The following MUC7 variants were observed in gnomAD, a reference collection of about 807,000 sequenced individuals.
The protein encoded by MUC7 is mucin-7.
A neutral mutation model predicts 2.5 loss-of-function variants in MUC7; 2 were observed. The observed-to-expected ratio is 0.81, with a 90% CI of 0.33 to 2.55. The LOEUF is 2.55. Ranked by LOEUF, MUC7 falls within the 30% of genes most tolerant of loss-of-function variation. The probability of loss-of-function intolerance (pLI) is 0.11; values close to 1 mark genes in which losing one functional copy is unlikely to be tolerated. For missense variants in MUC7, 408 were observed against 455.6 expected, an observed-to-expected ratio of 0.90 and a Z score of 0.95; for synonymous variants, 133 against 173.4, an observed-to-expected ratio of 0.77 and a Z score of 1.83.
At chr4:70,451,701 C>T (rs1232514114) in intron 1 of MUC7, among the ~76,000 whole-genome samples, 6 of 152,084 alleles carry the variant, frequency 3.9e-5, no homozygotes, top group South Asian at 2.1e-4. Context: ...TTTTTGAGAA[C>T]GATCCATGTG....
chr4:70,471,142 C>T (rs898086800), upstream of MUC7, among the ~76,000 whole-genome samples: 4 of 152,070 alleles, frequency 2.6e-5, no homozygotes, highest in East Asian at 1.9e-4. Flanking sequence ...TCCAGATTAA[C>T]GATTTTACAT....
intron 1 of MUC7, among the ~76,000 whole-genome samples, chr4:70,431,144 G>T (rs1002339439): frequency 6.6e-6 from 1 of 152,076 alleles, no homozygotes; most frequent in African/African-American, 2.4e-5. Flanking sequence ...AAAAATCTTT[G>T]ATCTCCAGGG....
intron 2 of MUC7, among the ~76,000 whole-genome samples, chr4:70,476,510 T>C (rs546347055): frequency 6.6e-6 from 1 of 152,278 alleles, no homozygotes; most frequent in East Asian, 1.9e-4. Context: ...TCCAAAGAAC[T>C]TGAATATGAG....
At chr4:70,469,765 C>A (rs540033179), upstream of MUC7, among the ~76,000 whole-genome samples, 1 of 152,278 alleles carries the variant, frequency 6.6e-6, no homozygotes, top group East Asian at 1.9e-4. Flanking sequence ...ACAACAGATG[C>A]TGGAAAGGAT....
chr4:70,463,168 TTAG>T (rs34586929), intron 1 of MUC7, among the ~76,000 whole-genome samples: 28,060 of 151,286 alleles, frequency 0.19, 2,943 homozygotes, highest in African/African-American at 0.27. Context: ...ACTCACAACT[TTAG>T]TAATACCAGA....
At chr4:70,449,218 C>T (rs866655669) in intron 1 of MUC7, among the ~76,000 whole-genome samples, 40 of 152,186 alleles carry the variant, frequency 2.6e-4, no homozygotes, top group African/African-American at 8.9e-4. Context: ...TCTGTTTTCA[C>T]GTTACTGATA....
rs35750253 is a variant in MUC7, at chr4:70,431,257, CT to C, written c.-93+578del. Reference sequence around the variant, plus strand: ...GACTTTTTTCTTTGTATTGTATTTACTTTTTTTTCATTTGTAACAAGGCCAA... The same window carrying C: ...GACTTTTTTCTTTGTATTGTATTTACTTTTTTTCATTTGTAACAAGGCCAA... On this transcript the variant is annotated intron_variant, in intron 1 of 3. Transcript: ENST00000413702. Among the ~76,000 whole-genome samples, 5 of 151,708 alleles carry C rather than the reference CT, an allele frequency of 3.3e-5. No individual in the cohort carries two copies. In the South Asian group the frequency reaches 1.0e-3, roughly 32 times the overall value.
intron 1 of MUC7, among the ~76,000 whole-genome samples, chr4:70,431,466 C>T (rs1032480073): frequency 6.6e-6 from 1 of 151,876 alleles, no homozygotes; most frequent in Admixed American, 6.6e-5. Context: ...ATATGATTTT[C>T]ATTCCTACTA....
chr4:70,458,274 A>T (rs957642215), intron 1 of MUC7, among the ~76,000 whole-genome samples: 1 of 152,078 alleles, frequency 6.6e-6, no homozygotes. Context: ...CTACTTATTC[A>T]TAATTTAAAA....
chr4:70,443,067 T>C (rs113967093), intron 1 of MUC7, among the ~76,000 whole-genome samples: 33 of 152,246 alleles, frequency 2.2e-4, no homozygotes, highest in African/African-American at 7.0e-4. Context: ...TAAAACAAGT[T>C]CCAGATCTGC....
intron 1 of MUC7, among the ~76,000 whole-genome samples, chr4:70,447,014 A>G (rs1734157351): frequency 6.6e-6 from 1 of 151,820 alleles, no homozygotes. Flanking sequence ...TGCAAATGAG[A>G]AAGACATCCC....
At chr4:70,447,965 A>G (rs1734186989) in intron 1 of MUC7, among the ~76,000 whole-genome samples, 1 of 152,040 alleles carries the variant, frequency 6.6e-6, no homozygotes, top group Non-Finnish European at 1.5e-5. Context: ...TCTAATAACA[A>G]TGCTTCTACT....
intron 1 of MUC7, among the ~76,000 whole-genome samples, chr4:70,473,153 G>A (rs561365434): frequency 3.1e-4 from 47 of 152,176 alleles, no homozygotes; most frequent in Non-Finnish European, 3.4e-4. Flanking sequence ...AAAGGGTATC[G>A]GCCAGACACG....
intron 2 of MUC7, among the ~76,000 whole-genome samples, chr4:70,479,942 G>A (rs1735117665): frequency 6.6e-6 from 1 of 152,186 alleles, no homozygotes; most frequent in African/African-American, 2.4e-5. Flanking sequence ...GGCGGCCTTA[G>A]GAATTACAGT....
chr4:70,464,832 T>A (rs1224517946), intron 1 of MUC7, among the ~76,000 whole-genome samples: 1 of 152,168 alleles, frequency 6.6e-6, no homozygotes, highest in African/African-American at 2.4e-5. Flanking sequence ...TTCAGCTGAC[T>A]TAAACCTTCC....
In MUC7 at chr4:70,481,682, C is replaced by G. The variant is rs1235731983; in HGVS notation, c.938C>G (p.Ser313Cys). ...GCTGCCCCAATTACCACACCTAATT[C>G]TTCCCCAACTACTCTTGCACCTGAC... is the stretch of plus-strand genomic sequence containing the variant. ...TTAAPITTPN[S>C]SPTTLAPDTS... is the part of the protein sequence containing the mutation. The change falls in exon 3 of 3, where the codon TCT becomes TGT. Residue 313 changes from serine (S) to cysteine (C), a missense_variant. This residue lies in a region of MUC7 where 175 missense variants were observed against 187.1 expected (regional missense o/e 0.94). Transcript: ENST00000304887. 6.2e-6 allele frequency: 10 copies of G among 1,614,208 alleles called. 1 individual carries two copies. The highest frequency in any genetic ancestry group is 3.3e-5 in the South Asian group (3 of 91,084).
At chr4:70,461,840 G>A (rs1001538455) in intron 1 of MUC7, among the ~76,000 whole-genome samples, 4 of 151,028 alleles carry the variant, frequency 2.6e-5, no homozygotes, top group Non-Finnish European at 5.9e-5. Flanking sequence ...AAATTTCCAA[G>A]CTAAAAAGAG....
intron 1 of MUC7, among the ~76,000 whole-genome samples, chr4:70,431,128 G>T (rs1025202419): frequency 6.6e-6 from 1 of 152,008 alleles, no homozygotes; most frequent in African/African-American, 2.4e-5. Flanking sequence ...AAGAAAAAAA[G>T]ACCACAAAAA....
intron 1 of MUC7, among the ~76,000 whole-genome samples, chr4:70,449,488 A>T (rs1281155420): frequency 1.3e-5 from 2 of 152,168 alleles, no homozygotes; most frequent in Non-Finnish European, 2.9e-5. Flanking sequence ...AGTCCCTCCC[A>T]CAATATATGG....
Sources: gnomAD v4.1 joint callset for allele counts (sites outside exome capture counted in the v4.1 genomes callset) on GRCh38, gnomAD v4.1.1 for gene constraint, gnomAD v4.1.1 regional missense constraint, MANE v1.5 for transcripts, NCBI Gene and HGNC (gene_info 2026-07-23, HGNC 2026-07-21) for gene names.